INS: variants seen among roughly 807,000 people sequenced by gnomAD.
The protein encoded by INS is insulin, also known as preproinsulin.
INS carries 6 observed loss-of-function variants against 10.5 expected under a neutral mutation model. The observed-to-expected ratio is 0.57, with a 90% CI of 0.31 to 1.13. INS has a LOEUF of 1.13. Ranked by LOEUF, INS falls within the 50% of genes most tolerant of loss-of-function variation. The probability of loss-of-function intolerance (pLI) is 0.05; values close to 1 mark genes in which losing one functional copy is unlikely to be tolerated. For synonymous variants in INS, 71 were observed against 62.7 expected, an observed-to-expected ratio of 1.13 and a Z score of -0.63; for missense variants, 109 against 138.6, an observed-to-expected ratio of 0.79 and a Z score of 1.07.
Position 2,160,703 on chromosome 11 carries a change from C to T in INS, c.187+82G>A, listed in dbSNP as rs534416294. On this transcript the variant is annotated intron_variant, in intron 2 of 2. Coordinates refer to ENST00000381330, the MANE Select transcript of INS (RefSeq NM_000207.3). ...CCTGCTGGGTGGCAGCCTCCTGCCC[C>T]CTTCTGCCCATGCTGGGTGGGAGCG... 11 of 1,563,900 alleles carry T rather than the reference C, an allele frequency of 7.0e-6. No homozygotes were observed. The African/African-American group carries it at 1.1e-4, about 15-fold the overall frequency.
In INS at chr11:2,159,964, G is replaced by A; in HGVS notation, c.221C>T (p.Ala74Val). The change falls in exon 3 of 3, where the codon GCA becomes GTA. Residue 74 changes from alanine (A) to valine (V), a missense_variant. Coordinates refer to ENST00000381330, the MANE Select transcript of INS (RefSeq NM_000207.3). ...CAGGGCCAAGGGCTGCAGGCTGCCT[G>A]CACCAGGGCCCCCGCCCAGCTCCAC... ...GQVELGGGPG[A>V]GSLQPLALEG... 6.3e-7 allele frequency: 1 copy of A among 1,592,028 alleles called. No homozygotes were observed. The highest frequency in any genetic ancestry group is 1.1e-5 in the South Asian group (1 of 87,702).
intron 2 of INS, 152 bp from the exon 3 acceptor site, chr11:2,160,149 G>A (rs1845850642): frequency 1.2e-6 from 1 of 821,122 alleles, no homozygotes. Flanking sequence ...CCAGGTTAGA[G>A]GGAGGGTCAC....
intron 1 of INS, 76 bp from the exon 2 acceptor site, chr11:2,161,064 G>T: frequency 1.3e-6 from 2 of 1,503,746 alleles, no homozygotes; most frequent in Non-Finnish European, 8.9e-7. Flanking sequence ...ACCCCCACAT[G>T]CTTCACGAGC....
At position 2,160,133 on chromosome 11, in the gene INS, C is replaced by T; in HGVS notation, c.188-136G>A. On this transcript the variant is annotated intron_variant, in intron 2 of 2. Transcript: ENST00000381330. ...GCACTCCCACCCATCTCCAGCCGGG[C>T]TGGACCCAGGTTAGAGGGAGGGTCA... The T allele has an allele frequency of 3.1e-6, 3 of 954,938 alleles. No homozygotes were observed. The East Asian group carries it at 7.9e-5, about 25-fold the overall frequency. The allele number at this position is 954,938 out of a possible 1,614,324, so 59.2% of individuals were successfully genotyped here. A position where few individuals can be genotyped will look rare whatever the true frequency, so the allele number is the denominator to read the frequency against.
At chr11:2,160,720 G>A in intron 2 of INS, 65 bp downstream of exon 2, 3 of 1,591,852 alleles carry the variant, frequency 1.9e-6, no homozygotes, top group Non-Finnish European at 2.6e-6. Flanking sequence ...CCCATGCTGG[G>A]TGGGAGCGCC....
intron 2 of INS, 58 bp downstream of exon 2, chr11:2,160,727 C>A (rs369999317): frequency 5.6e-6 from 9 of 1,594,548 alleles, no homozygotes; most frequent in African/African-American, 1.3e-5. Flanking sequence ...TGGGTGGGAG[C>A]GCCAGGAGCA....
In INS at chr11:2,159,893, T is replaced by C. The variant is rs1252051752; in HGVS notation, c.292A>G (p.Ser98Gly). Residue 98 changes from serine (S) to glycine (G), a missense_variant, in exon 3 of 3, where the codon AGC becomes GGC. Coordinates refer to ENST00000381330, the MANE Select transcript of INS (RefSeq NM_000207.3). ...KRGIVEQCCT[S>G]ICSLYQLENY... ...TCCAGCTGGTAGAGGGAGCAGATGC[T>C]GGTACAGCATTGTTCCACAATGCCA... 1 of 1,609,322 alleles carries C rather than the reference T, an allele frequency of 6.2e-7. No homozygotes were observed. Among genetic ancestry groups the C allele is most frequent in the Non-Finnish European group, 8.5e-7 (1 of 1,178,704 alleles).
rs749388720 is a variant in INS at position 2,159,977 on chromosome 11, C to T, written c.208G>A (p.Gly70Arg). 101 of 1,587,458 alleles carry T rather than the reference C, an allele frequency of 6.4e-5. No homozygotes were observed. Among genetic ancestry groups the T allele is most frequent in the South Asian group, 9.2e-5 (8 of 87,384 alleles). The change falls in exon 3 of 3, where the codon GGG (glycine) becomes AGG (arginine). Residue 70 changes from glycine (G) to arginine (R), a missense_variant. Physicochemically the swap from Gly to Arg is moderately radical, Grantham distance 125. Coordinates refer to ENST00000381330, the MANE Select transcript of INS (RefSeq NM_000207.3). Reference sequence around the variant, plus strand: ...TGCAGGCTGCCTGCACCAGGGCCCCCGCCCAGCTCCACCTGCCCCACTGCC... The same window carrying T: ...TGCAGGCTGCCTGCACCAGGGCCCCTGCCCAGCTCCACCTGCCCCACTGCC... ...DLQVGQVELG[G>R]GPGAGSLQPL...
At position 2,159,979 on chromosome 11, in the gene INS, C is replaced by T. The variant is rs866840557; in HGVS notation, c.206G>A (p.Gly69Asp). The part of the protein sequence containing the change: ...EDLQVGQVEL[G>D]GGPGAGSLQP... ...CAGGCTGCCTGCACCAGGGCCCCCGCCCAGCTCCACCTGCCCCACTGCCAG... is the reference window on the plus strand; with the variant it reads ...CAGGCTGCCTGCACCAGGGCCCCCGTCCAGCTCCACCTGCCCCACTGCCAG... Residue 69 changes from glycine (G) to aspartate (D), a missense_variant, in exon 3 of 3, where the codon GGC becomes GAC. Physicochemically the swap from Gly to Asp is moderately conservative, Grantham distance 94. This residue lies in a region of INS where 108 missense variants were observed against 118.0 expected (regional missense o/e 0.92). Transcript: ENST00000381330. 6.9e-6 allele frequency: 11 copies of T among 1,587,128 alleles called. No individual in the cohort carries two copies. The Middle Eastern group carries it at 5.4e-4, about 77-fold the overall frequency.
At chr11:2,160,566 G>T (rs1212436601) in intron 2 of INS, among the ~76,000 whole-genome samples, 1 of 152,208 alleles carries the variant, frequency 6.6e-6, no homozygotes, top group Non-Finnish European at 1.5e-5. Context: ...GTATCTCGGG[G>T]CTGCCGAAGC....
At chr11:2,160,572 G>A (rs1255061880) in intron 2 of INS, among the ~76,000 whole-genome samples, 1 of 152,180 alleles carries the variant, frequency 6.6e-6, no homozygotes, top group East Asian at 1.9e-4. Context: ...CGGGGCTGCC[G>A]AAGCCAACAC....
chr11:2,160,132 G>T, intron 2 of INS, 135 bp from the exon 3 acceptor site: 1 of 954,876 alleles, frequency 1.0e-6, no homozygotes, highest in Non-Finnish European at 1.6e-6. Context: ...CTCCAGCCGG[G>T]CTGGACCCAG....
Position 2,160,990 on chromosome 11 carries a change from T to C in INS, c.-17-2A>G. 1 of 1,611,500 alleles carries C rather than the reference T, an allele frequency of 6.2e-7. No individual in the cohort carries two copies. The highest frequency in any genetic ancestry group is 8.5e-7 in the Non-Finnish European group (1 of 1,179,544). On this transcript the variant is annotated splice_acceptor_variant, in intron 1 of 2. Transcript: ENST00000381330. LOFTEE classifies it low-confidence loss of function (5UTR_SPLICE). Reference sequence around the variant, plus strand: ...GGGCCATGGCAGAAGGACAGTGATCTGGGAGACAGGCAGGGCTGAGGCAGG... The same window carrying C: ...GGGCCATGGCAGAAGGACAGTGATCCGGGAGACAGGCAGGGCTGAGGCAGG...
Position 2,159,977 on chromosome 11 carries a change from C to G in INS, c.208G>C (p.Gly70Arg). 6.3e-7 allele frequency: 1 copy of G among 1,587,576 alleles called. No individual in the cohort carries two copies. The highest frequency in any genetic ancestry group is 8.5e-7 in the Non-Finnish European group (1 of 1,169,788). The stretch of plus-strand genomic sequence containing the variant: ...TGCAGGCTGCCTGCACCAGGGCCCC[C>G]GCCCAGCTCCACCTGCCCCACTGCC... ...DLQVGQVELG[G>R]GPGAGSLQPL... is the part of the protein sequence containing the mutation. Residue 70 changes from glycine (G) to arginine (R), a missense_variant, in exon 3 of 3, where the codon GGG becomes CGG. Gly to Arg is a moderately radical substitution (Grantham distance 125). Coordinates refer to ENST00000381330, the MANE Select transcript of INS (RefSeq NM_000207.3).
rs1243984856 is a variant in INS, at chr11:2,160,792, G to A, written c.180C>T (p.Asp60=). 2 of 1,612,332 alleles carry A rather than the reference G, an allele frequency of 1.2e-6. No individual in the cohort carries two copies. Among genetic ancestry groups the A allele is most frequent in the Admixed American group, 1.7e-5 (1 of 59,994 alleles). Residue 60 remains aspartate, a synonymous_variant, in exon 2 of 3, where the codon GAC becomes GAT. Transcript: ENST00000381330. ...AATGGGCAGTTGGCTCACCCTGCAG[G>A]TCCTCTGCCTCCCGGCGGGTCTTGG... ...YTPKTRREAE[D]LQVGQVELGG...
At chr11:2,160,046 G>T in intron 2 of INS, 49 bp from the exon 3 acceptor site, 1 of 1,539,166 alleles carries the variant, frequency 6.5e-7, no homozygotes, top group Non-Finnish European at 8.7e-7. Flanking sequence ...CGGCGAGGCA[G>T]AGGGACACAG....
At chr11:2,161,071 G>A (rs867968521) in intron 1 of INS, 83 bp from the exon 2 acceptor site, 13 of 1,484,462 alleles carry the variant, frequency 8.8e-6, no homozygotes, top group East Asian at 4.9e-5. Context: ...CATGCTTCAC[G>A]AGCCCAGCCA....
chr11:2,160,816 G>T lies in INS; in HGVS notation c.156C>A (p.Pro52=). The T allele has an allele frequency of 6.2e-7, 1 of 1,612,570 alleles. No individual in the cohort carries two copies. The highest frequency in any genetic ancestry group is 8.5e-7 in the Non-Finnish European group (1 of 1,179,760). ...GGTCCTCTGCCTCCCGGCGGGTCTT[G>T]GGTGTGTAGAAGAAGCCTCGTTCCC... The part of the protein sequence containing the change: ...VCGERGFFYT[P]KTRREAEDLQ... The change falls in exon 2 of 3, where the codon CCC becomes CCA. Residue 52 remains proline, a synonymous_variant. Coordinates refer to ENST00000381330, the MANE Select transcript of INS (RefSeq NM_000207.3).
chr11:2,161,134 G>C, intron 1 of INS, 34 bp downstream of exon 1: 2 of 950,400 alleles, frequency 2.1e-6, no homozygotes, highest in South Asian at 3.4e-5. Context: ...CTGGAATCCT[G>C]AGCCCACCTG....
Sources: gnomAD v4.1 joint callset for allele counts (sites outside exome capture counted in the v4.1 genomes callset) on GRCh38, gnomAD v4.1.1 for gene constraint, gnomAD v4.1.1 regional missense constraint, MANE v1.5 for transcripts, NCBI Gene and HGNC (gene_info 2026-07-23, HGNC 2026-07-21) for gene names.